The following FTCDNL1 variants were observed in gnomAD, a reference collection of about 807,000 sequenced individuals.
FTCDNL1 encodes the protein formiminotransferase N-terminal subdomain-containing protein.
In FTCDNL1, 11 loss-of-function variants were observed where a neutral mutation model predicts 5.9. That is an observed-to-expected ratio of 1.87 (90% CI 1.18 to 3.10). FTCDNL1 has a LOEUF of 3.10. Among genes scored for constraint, FTCDNL1 ranks in the 30% most tolerant of loss-of-function variants. The pLI, the probability that FTCDNL1 is intolerant of heterozygous loss-of-function variation, is 0.00. For missense variants in FTCDNL1, 115 were observed against 65.5 expected, an observed-to-expected ratio of 1.76 and a Z score of -2.61; for synonymous variants, 58 against 24.8, an observed-to-expected ratio of 2.34 and a Z score of -3.99.
chr2:199,786,953 C>T (rs902251536), intron 3 of FTCDNL1, among the ~76,000 whole-genome samples: 4 of 152,132 alleles, frequency 2.6e-5, no homozygotes, highest in African/African-American at 9.7e-5. Flanking sequence ...AATCTGTTTC[C>T]TTGCCTTTTT....
chr2:199,782,043 A>G (rs1054652974), intron 3 of FTCDNL1, among the ~76,000 whole-genome samples: 3 of 152,148 alleles, frequency 2.0e-5, no homozygotes, highest in Non-Finnish European at 4.4e-5. Context: ...TCAGCCTCCC[A>G]AAGTGCTGGA....
At chr2:199,826,253 C>A (rs1439195072) in intron 3 of FTCDNL1, among the ~76,000 whole-genome samples, 1 of 152,144 alleles carries the variant, frequency 6.6e-6, no homozygotes, top group Non-Finnish European at 1.5e-5. Context: ...CAGCTGTCTG[C>A]AATTGGAGAT....
At chr2:199,827,815 T>G (rs1702126221) in intron 3 of FTCDNL1, among the ~76,000 whole-genome samples, 1 of 152,194 alleles carries the variant, frequency 6.6e-6, no homozygotes, top group South Asian at 2.1e-4. Flanking sequence ...CTGTTCTGAA[T>G]CCTGAGTTCT....
the FTCDNL1 span, among the ~76,000 whole-genome samples, chr2:199,743,975 A>T: frequency 6.6e-6 from 1 of 152,216 alleles, no homozygotes; most frequent in African/African-American, 2.4e-5. Flanking sequence ...CCTGTTGCCT[A>T]AGCTTCTCAA....
chr2:199,828,656 T>G (rs1357727991), intron 3 of FTCDNL1, among the ~76,000 whole-genome samples: 1 of 152,232 alleles, frequency 6.6e-6, no homozygotes, highest in Admixed American at 6.5e-5. Context: ...TTTGTTTTTA[T>G]TGATAGTATC....
At chr2:199,686,410 T>C in the FTCDNL1 span, among the ~76,000 whole-genome samples, 1 of 152,202 alleles carries the variant, frequency 6.6e-6, no homozygotes, top group Non-Finnish European at 1.5e-5. Flanking sequence ...ACTCTTTATA[T>C]TTTAGATATA....
At chr2:199,680,849 T>C in the FTCDNL1 span, among the ~76,000 whole-genome samples, 2 of 152,196 alleles carry the variant, frequency 1.3e-5, no homozygotes, top group East Asian at 3.9e-4. Flanking sequence ...TGCTACACAA[T>C]GTTCCCCCTT....
At chr2:199,684,225 G>A in the FTCDNL1 span, among the ~76,000 whole-genome samples, 1 of 152,170 alleles carries the variant, frequency 6.6e-6, no homozygotes, top group East Asian at 1.9e-4. Context: ...ACTGTGAGAA[G>A]CACCCAGTTT....
chr2:199,687,941 C>T, the FTCDNL1 span, among the ~76,000 whole-genome samples: 1 of 151,850 alleles, frequency 6.6e-6, no homozygotes, highest in African/African-American at 2.4e-5. Context: ...AATGGAACCA[C>T]GATTTAAAGT....
chr2:199,680,308 A>T, the FTCDNL1 span, among the ~76,000 whole-genome samples: 1 of 152,222 alleles, frequency 6.6e-6, no homozygotes, highest in Non-Finnish European at 1.5e-5. Context: ...AAAAGCACAA[A>T]TCATAGAAGA....
At chr2:199,671,847 C>A in the FTCDNL1 span, among the ~76,000 whole-genome samples, 2 of 152,156 alleles carry the variant, frequency 1.3e-5, no homozygotes, top group African/African-American at 4.8e-5. Context: ...ACTTCTCTTC[C>A]TGTCAGATCA....
the FTCDNL1 span, among the ~76,000 whole-genome samples, chr2:199,666,327 C>G: frequency 6.6e-6 from 1 of 152,112 alleles, no homozygotes; most frequent in Non-Finnish European, 1.5e-5. Flanking sequence ...AGGAAGGACC[C>G]CTGAGTCTAA....
At chr2:199,823,769 A>G (rs765462914) in intron 3 of FTCDNL1, among the ~76,000 whole-genome samples, 1 of 152,186 alleles carries the variant, frequency 6.6e-6, no homozygotes, top group Non-Finnish European at 1.5e-5. Context: ...TACAATTCCT[A>G]AAGGCCCTTG....
chr2:199,765,174 G>A (rs1170937726), intron 3 of FTCDNL1, among the ~76,000 whole-genome samples: 1 of 152,132 alleles, frequency 6.6e-6, no homozygotes, highest in Non-Finnish European at 1.5e-5. Context: ...ATTGGTGGCT[G>A]CATACCATTA....
chr2:199,733,657 G>A, the FTCDNL1 span, among the ~76,000 whole-genome samples: 1 of 152,140 alleles, frequency 6.6e-6, no homozygotes, highest in East Asian at 1.9e-4. Context: ...ATGCCCTTAG[G>A]ACAGTAACAA....
the FTCDNL1 span, among the ~76,000 whole-genome samples, chr2:199,718,526 T>A: frequency 6.6e-6 from 1 of 152,190 alleles, no homozygotes; most frequent in Non-Finnish European, 1.5e-5. Context: ...TGGAGATATC[T>A]TTTTAGTATA....
intron 3 of FTCDNL1, among the ~76,000 whole-genome samples, chr2:199,781,352 T>C (rs760456261): frequency 1.3e-5 from 2 of 152,220 alleles, no homozygotes; most frequent in Admixed American, 6.5e-5. Flanking sequence ...TATGATGTAA[T>C]AACATTTCCT....
chr2:199,725,210 GT>G, the FTCDNL1 span, among the ~76,000 whole-genome samples: 72 of 152,030 alleles, frequency 4.7e-4, no homozygotes, highest in Non-Finnish European at 9.4e-4. Flanking sequence ...GCAACCCCTG[GT>G]TTTTTCTGCT....
the FTCDNL1 span, among the ~76,000 whole-genome samples, chr2:199,675,346 G>T: frequency 6.6e-6 from 1 of 151,932 alleles, no homozygotes; most frequent in Non-Finnish European, 1.5e-5. Context: ...TGGAATAAGT[G>T]TATATAATTA....
Sources: allele counts gnomAD v4.1 joint callset (sites outside exome capture counted in the v4.1 genomes callset), GRCh38; gene constraint gnomAD v4.1.1; transcripts MANE v1.5; gene names NCBI Gene and HGNC (gene_info 2026-07-23, HGNC 2026-07-21).